The following SH2B1 variants were observed in gnomAD, a reference collection of about 807,000 sequenced individuals.
SH2B1 encodes the protein SH2B adaptor protein 1.
SH2B1 carries 15 observed loss-of-function variants against 62.6 expected under a neutral mutation model. The observed-to-expected ratio is 0.24, with a 90% CI of 0.16 to 0.37. SH2B1 has a LOEUF of 0.37. Among genes scored for constraint, SH2B1 ranks in the 10% least tolerant of loss-of-function variants. The pLI is 1.00. For missense variants in SH2B1, 925 were observed against 1,015.6 expected (o/e 0.91, Z 1.21); for synonymous variants, 443 against 438.0 (o/e 1.01, Z -0.14).
Position 28,873,384 on chromosome 16 carries a change from G to A in SH2B1, c.1898-63G>A, listed in dbSNP as rs1386859301. 4 of 1,582,826 alleles carry A rather than the reference G, an allele frequency of 2.5e-6. No individual in the cohort carries two copies. Among genetic ancestry groups the A allele is most frequent in the Non-Finnish European group, 3.4e-6 (4 of 1,173,584 alleles). The stretch of plus-strand genomic sequence containing the variant: ...CGCTCCTGGGGGGCTGAGTGAAGGG[G>A]AGGCCACGGCAGGAGCTCACCTGCC... On this transcript the variant is annotated intron_variant, in intron 7 of 7. Transcript: ENST00000684370. This position sits in a 1 kb window ranked among gnomAD's most constrained non-coding sequence, Gnocchi z 4.2.
chr16:28,864,762 T>C lies in SH2B1; in HGVS notation c.-1333T>C. ...CTGCCACTTTCTAGTTGTAAGACCT[T>C]GAGAGGGCTCCTCCTTTCTCTAATT... is the stretch of plus-strand genomic sequence containing the variant. On this transcript the variant is annotated 5_prime_UTR_variant, in exon 1 of 8. Coordinates refer to ENST00000684370, the MANE Select transcript of SH2B1 (RefSeq NM_001387430.1). 2 of 586,292 alleles carry C rather than the reference T, an allele frequency of 3.4e-6. No individual in the cohort carries two copies. The highest frequency in any genetic ancestry group is 2.1e-6 in the Non-Finnish European group (1 of 465,650). 36.3% of individuals were successfully genotyped at this position (586,292 alleles called of 1,614,324 possible).
chr16:28,873,213 T>C lies in SH2B1; in HGVS notation c.1898-234T>C. The C allele has an allele frequency of 6.2e-7, 1 of 1,602,752 alleles. No individual in the cohort carries two copies. Among genetic ancestry groups the C allele is most frequent in the African/African-American group, 1.3e-5 (1 of 74,922 alleles). ...GCCATGCGGGGGTGTGCGAGGGAGATGGATGCCACCCCGATGCCTCCTGCA... is the reference window on the plus strand; with the variant it reads ...GCCATGCGGGGGTGTGCGAGGGAGACGGATGCCACCCCGATGCCTCCTGCA... On this transcript the variant is annotated intron_variant, in intron 7 of 7. Transcript: ENST00000684370. This position sits in a 1 kb window ranked among gnomAD's most constrained non-coding sequence, Gnocchi z 4.2.
At chr16:28,852,930 A>ATATATGTGTACATATATATTTT (rs1962209475) in intron 1 of SH2B1, among the ~76,000 whole-genome samples, 1 of 47,972 alleles carries the variant, frequency 2.1e-5, no homozygotes. Flanking sequence ...ATATATTTTT[A>ATATATGTGTACATATATATTTT]TATATATGTA....
chr16:28,867,222 T>C, intron 1 of SH2B1, 109 bp from the exon 2 acceptor site: 1 of 1,231,144 alleles, frequency 8.1e-7, no homozygotes, highest in Non-Finnish European at 1.2e-6. Context: ...TGTGACTGCC[T>C]TTTGTCTAAC....
rs28698920 is a variant in SH2B1, at chr16:28,873,736, G to T, written c.2187G>T (p.Val729=). 2,989 of 1,486,876 alleles carry T rather than the reference G, an allele frequency of 2.0e-3. 50 individuals are homozygous for T. In the African/African-American group the frequency reaches 0.037, roughly 18 times the overall value. 92.1% of individuals were successfully genotyped at this position (1,486,876 alleles called of 1,614,324 possible). Residue 729 remains valine (V), a synonymous_variant, in exon 8 of 8, where the codon GTG becomes GTT. Transcript: ENST00000684370. The surrounding 1 kb of genome is among the most constrained non-coding windows in gnomAD (Gnocchi z 4.2). ...SGGDAGVPPM[V]QLQQSPLGGD... ...GGGACGCGGGGGTGCCCCCAATGGT[G>T]CAGCTGCAGCAGTCACCACTAGGGG...
chr16:28,867,066 C>T (rs772153903), intron 1 of SH2B1, 33 bp downstream of exon 1: 14 of 1,597,936 alleles, frequency 8.8e-6, no homozygotes, highest in Non-Finnish European at 4.2e-6. Flanking sequence ...TGACTGAGAG[C>T]AAGTGAGAGA....
Position 28,873,662 on chromosome 16 carries a change from G to A in SH2B1, c.2113G>A (p.Glu705Lys). Residue 705 changes from glutamate to lysine, a missense_variant, in exon 8 of 8, where the codon GAA becomes AAA. Coordinates refer to ENST00000684370, the MANE Select transcript of SH2B1 (RefSeq NM_001387430.1). This position sits in a 1 kb window ranked among gnomAD's most constrained non-coding sequence, Gnocchi z 4.2. The stretch of plus-strand genomic sequence containing the variant: ...TGAGCTGGTCCCCGTGGTTGAATTG[G>A]AAGAGGCCATAGCCCCAGGCTCAGA... ...VVELVPVVEL[E>K]EAIAPGSEAQ... is the part of the protein sequence containing the mutation. The A allele has an allele frequency of 6.5e-7, 1 of 1,532,718 alleles. No individual in the cohort carries two copies. Among genetic ancestry groups the A allele is most frequent in the Admixed American group, 2.1e-5 (1 of 47,854 alleles). The allele number at this position is 1,532,718 out of a possible 1,614,324, so 94.9% of individuals were successfully genotyped here.
chr16:28,852,761 T>C (rs1418095252), intron 1 of SH2B1, among the ~76,000 whole-genome samples: 463 of 29,850 alleles, frequency 0.016, 88 homozygotes, highest in African/African-American at 0.083. Context: ...TATATATGTA[T>C]ATATATATTT....
intron 1 of SH2B1, among the ~76,000 whole-genome samples, chr16:28,856,289 A>C (rs1015265991): frequency 2.0e-5 from 3 of 147,726 alleles, no homozygotes; most frequent in Non-Finnish European, 4.5e-5. Context: ...AAAAAAAAAA[A>C]CCACACACAC....
In SH2B1 at chr16:28,866,187, G is replaced by C. The variant is rs746926790; in HGVS notation, c.93G>C (p.Glu31Asp). Residue 31 changes from glutamate to aspartate, a missense_variant, in exon 1 of 8, where the codon GAG becomes GAC. Glu to Asp is a conservative substitution (Grantham distance 45). Transcript: ENST00000684370. The surrounding 1 kb of genome is among the most constrained non-coding windows in gnomAD (Gnocchi z 6.3). ...PPPPSWREFC[E>D]SHARAAALDF... ...CCCCTAGTTGGCGGGAGTTCTGTGA[G>C]TCCCACGCCCGGGCTGCGGCTCTGG... 6.3e-7 allele frequency: 1 copy of C among 1,575,302 alleles called. No individual in the cohort carries two copies. The highest frequency in any genetic ancestry group is 8.6e-7 in the Non-Finnish European group (1 of 1,162,888).
chr16:28,852,493 C>CAT (rs202090458), intron 1 of SH2B1, among the ~76,000 whole-genome samples: 498 of 10,854 alleles, frequency 0.046, 206 homozygotes, highest in African/African-American at 0.22. Flanking sequence ...TATATACATA[C>CAT]ATATATTTAT....
At chr16:28,850,531 A>G (rs1193933021) in intron 1 of SH2B1, among the ~76,000 whole-genome samples, 1 of 152,154 alleles carries the variant, frequency 6.6e-6, no homozygotes, top group Non-Finnish European at 1.5e-5. Flanking sequence ...GCACCACTGC[A>G]CTCCAGCCTG....
At chr16:28,861,399 G>A (rs1428447795), upstream of SH2B1, among the ~76,000 whole-genome samples, 1 of 151,472 alleles carries the variant, frequency 6.6e-6, no homozygotes, top group Non-Finnish European at 1.5e-5. Flanking sequence ...CCAGTGTTGG[G>A]ATTACAGGCG....
upstream of SH2B1, among the ~76,000 whole-genome samples, chr16:28,860,881 A>G (rs1260882462): frequency 6.6e-6 from 1 of 150,524 alleles, no homozygotes; most frequent in Non-Finnish European, 1.5e-5. Context: ...CAGTGGCATG[A>G]TCTTGGCTCA....
chr16:28,870,319 C>A (rs1370727318), intron 4 of SH2B1, among the ~76,000 whole-genome samples: 3 of 152,084 alleles, frequency 2.0e-5, no homozygotes, highest in African/African-American at 7.2e-5. Flanking sequence ...AGCTTAGTGT[C>A]CCCTGAGCAG....
In SH2B1 at chr16:28,872,520, C is replaced by A. The variant is rs62037369; in HGVS notation, c.1726-14C>A. The A allele has an allele frequency of 2.5e-6, 4 of 1,603,396 alleles. No homozygotes were observed. Among genetic ancestry groups the A allele is most frequent in the Non-Finnish European group, 3.4e-6 (4 of 1,172,620 alleles). On this transcript the variant is annotated splice_polypyrimidine_tract_variant and intron_variant, in intron 6 of 7. Coordinates refer to ENST00000684370, the MANE Select transcript of SH2B1 (RefSeq NM_001387430.1). The surrounding 1 kb of genome is among the most constrained non-coding windows in gnomAD (Gnocchi z 5.3). Reference sequence around the variant, plus strand: ...CCTTTGCCTCCTACCTCACCTCCCCCATCCCGCCCTCAGCACCTGCGTTTG... The same window carrying A: ...CCTTTGCCTCCTACCTCACCTCCCCAATCCCGCCCTCAGCACCTGCGTTTG...
chr16:28,852,211 TATATATTTACA>T (rs1962118078), intron 1 of SH2B1, among the ~76,000 whole-genome samples: 1 of 79,136 alleles, frequency 1.3e-5, no homozygotes, highest in East Asian at 6.7e-4. Context: ...TATTTACATA[TATATATTTACA>T]TATATATTTA....
At chr16:28,857,340 C>T (rs1232071012) in intron 1 of SH2B1, among the ~76,000 whole-genome samples, 1 of 149,058 alleles carries the variant, frequency 6.7e-6, no homozygotes, top group African/African-American at 2.5e-5. Flanking sequence ...GCATGGCTTC[C>T]CAGAGGAGGC....
chr16:28,861,154 A>T (rs147446765), upstream of SH2B1, among the ~76,000 whole-genome samples: 31 of 151,748 alleles, frequency 2.0e-4, no homozygotes, highest in East Asian at 5.8e-3. Context: ...GTTTTTTGAG[A>T]TGGAGTCTCG....
Sources: allele counts gnomAD v4.1 joint callset (sites outside exome capture counted in the v4.1 genomes callset), GRCh38; gene constraint gnomAD v4.1.1; non-coding constraint Gnocchi (gnomAD v3.1); transcripts MANE v1.5; gene names NCBI Gene and HGNC (gene_info 2026-07-23, HGNC 2026-07-21).